MAGI1: variants seen among roughly 807,000 people sequenced by gnomAD.
MAGI1 encodes the protein membrane-associated guanylate kinase, WW and PDZ domain-containing protein 1.
Under a neutral mutation model 139.9 loss-of-function variants are expected in MAGI1, and 58 were observed. The observed-to-expected ratio is 0.41, with a 90% CI of 0.34 to 0.52. MAGI1 has a LOEUF of 0.52. Among genes scored for constraint, MAGI1 ranks in the 20% least tolerant of loss-of-function variants. MAGI1 has a pLI of 0.12. For synonymous variants in MAGI1, 812 were observed against 737.9 expected, an observed-to-expected ratio of 1.10 and a Z score of -1.63; for missense variants, 1,874 against 1,901.6, an observed-to-expected ratio of 0.99 and a Z score of 0.27.
chr3:65,503,260 C>T (rs188496117), intron 2 of MAGI1, among the ~76,000 whole-genome samples: 7 of 152,222 alleles, frequency 4.6e-5, no homozygotes, highest in Admixed American at 1.3e-4. Flanking sequence ...AAAATAAACA[C>T]GAATAAAGAA....
chr3:66,009,553 C>A (rs1355005904), intron 1 of MAGI1, among the ~76,000 whole-genome samples: 1 of 152,056 alleles, frequency 6.6e-6, no homozygotes, highest in African/African-American at 2.4e-5. Context: ...AGACCTGGTT[C>A]TACCCCTGAC....
At chr3:65,428,962 T>C (rs1003385886) in intron 12 of MAGI1, among the ~76,000 whole-genome samples, 3 of 152,050 alleles carry the variant, frequency 2.0e-5, no homozygotes, top group African/African-American at 7.2e-5. Context: ...AAGAAAAGGC[T>C]TGAAGCATTA....
At chr3:65,731,893 G>A (rs2034232544) in intron 1 of MAGI1, among the ~76,000 whole-genome samples, 2 of 152,088 alleles carry the variant, frequency 1.3e-5, no homozygotes. Context: ...ACAAGCACAG[G>A]AAAGAATGAG....
chr3:66,011,252 AG>A (rs745468518), intron 1 of MAGI1, among the ~76,000 whole-genome samples: 12 of 152,224 alleles, frequency 7.9e-5, no homozygotes, highest in Non-Finnish European at 1.8e-4. Flanking sequence ...GGAAAATGAA[AG>A]GGAACGGCCC....
At chr3:65,420,930 A>C (rs1276036332) in intron 12 of MAGI1, among the ~76,000 whole-genome samples, 1 of 152,356 alleles carries the variant, frequency 6.6e-6, no homozygotes, top group Non-Finnish European at 1.5e-5. Flanking sequence ...AACAGAAATA[A>C]AACTCAAATC....
chr3:65,572,069 T>C (rs1474507855), intron 2 of MAGI1, among the ~76,000 whole-genome samples: 1 of 152,068 alleles, frequency 6.6e-6, no homozygotes, highest in Non-Finnish European at 1.5e-5. Context: ...AGGACAATAA[T>C]GTGAAAAACG....
At chr3:65,735,493 T>C (rs2034646512) in intron 1 of MAGI1, among the ~76,000 whole-genome samples, 1 of 152,086 alleles carries the variant, frequency 6.6e-6, no homozygotes, top group Non-Finnish European at 1.5e-5. Context: ...TCCATTAAGT[T>C]GATCTATCAT....
In MAGI1 at chr3:65,440,045, A is replaced by G. The variant is rs767831483; in HGVS notation, c.1137-33T>C. On this transcript the variant is annotated intron_variant, in intron 8 of 22. Transcript: ENST00000402939. ...AGATAGCAAATAGTATTCAGCTTGA[A>G]ACAGTTCATCCCACCAGCAAAATGC... 1.3e-5 allele frequency: 21 copies of G among 1,612,172 alleles called. No individual in the cohort carries two copies. In the East Asian group the frequency reaches 2.9e-4, roughly 22 times the overall value.
intron 1 of MAGI1, among the ~76,000 whole-genome samples, chr3:65,766,387 A>C (rs944755952): frequency 5.9e-5 from 9 of 152,184 alleles, no homozygotes; most frequent in African/African-American, 1.9e-4. Context: ...GAGGAACATA[A>C]ACTAGATTGT....
At chr3:65,378,575 G>A (rs1443173134) in intron 17 of MAGI1, among the ~76,000 whole-genome samples, 2 of 151,976 alleles carry the variant, frequency 1.3e-5, no homozygotes, top group Non-Finnish European at 2.9e-5. Flanking sequence ...CTTGCAATTA[G>A]TGCTATCCTA....
At chr3:65,813,274 C>T (rs2041396419) in intron 1 of MAGI1, among the ~76,000 whole-genome samples, 1 of 152,000 alleles carries the variant, frequency 6.6e-6, no homozygotes, top group African/African-American at 2.4e-5. Context: ...TTGGGTGAGG[C>T]CTGTAACAAC....
rs1352630347 is a variant in MAGI1, at chr3:65,482,021, T to C, written c.551-3223A>G. ...AGATTGAACCATATGAAATTGCTGT[T>C]GTAGAAGATATAAACTGTCAAACAT... On this transcript the variant is annotated intron_variant, in intron 3 of 22. Transcript: ENST00000402939. Among the ~76,000 whole-genome samples, 4 of 152,336 alleles carry C rather than the reference T, an allele frequency of 2.6e-5. No individual in the cohort carries two copies. The South Asian group carries it at 8.3e-4, about 32-fold the overall frequency.
At chr3:65,371,861 A>C (rs1475091481) in intron 18 of MAGI1, 6 of 432,020 alleles carry the variant, frequency 1.4e-5, no homozygotes, top group Non-Finnish European at 2.8e-5. Context: ...TACGGCAATT[A>C]AGTCACATCT....
At chr3:65,524,842 A>T (rs2078315145) in intron 2 of MAGI1, among the ~76,000 whole-genome samples, 1 of 152,154 alleles carries the variant, frequency 6.6e-6, no homozygotes, top group African/African-American at 2.4e-5. Context: ...TCTCATCCAC[A>T]AGGTTTTGGC....
chr3:65,528,694 T>C (rs887417075), intron 2 of MAGI1, among the ~76,000 whole-genome samples: 6 of 152,150 alleles, frequency 3.9e-5, no homozygotes, highest in African/African-American at 1.4e-4. Flanking sequence ...ACTCCCAATA[T>C]TTCCCCTCTT....
chr3:65,584,507 G>T (rs1007490760), intron 2 of MAGI1, among the ~76,000 whole-genome samples: 14 of 152,236 alleles, frequency 9.2e-5, no homozygotes, highest in African/African-American at 3.4e-4. Flanking sequence ...ATTACTCAAA[G>T]ATTTCACATT....
intron 1 of MAGI1, among the ~76,000 whole-genome samples, chr3:65,622,626 C>T (rs1247387045): frequency 4.6e-5 from 7 of 151,996 alleles, no homozygotes; most frequent in African/African-American, 7.3e-5. Flanking sequence ...TGCGATGGCG[C>T]GATCTCAGCT....
intron 5 of MAGI1, among the ~76,000 whole-genome samples, chr3:65,462,350 T>A (rs1035549772): frequency 6.6e-6 from 1 of 152,226 alleles, no homozygotes; most frequent in Non-Finnish European, 1.5e-5. Context: ...TAGCCAGTTT[T>A]TCCAACACCA....
intron 1 of MAGI1, among the ~76,000 whole-genome samples, chr3:65,998,182 C>T (rs2066559649): frequency 6.6e-6 from 1 of 151,864 alleles, no homozygotes; most frequent in Non-Finnish European, 1.5e-5. Flanking sequence ...CCCTCCTCCT[C>T]CCCCAGCCTT....
Sources: gnomAD v4.1 joint callset for allele counts (sites outside exome capture counted in the v4.1 genomes callset) on GRCh38, gnomAD v4.1.1 for gene constraint, MANE v1.5 for transcripts, NCBI Gene and HGNC (gene_info 2026-07-23, HGNC 2026-07-21) for gene names.